PTPRM: variants seen among roughly 807,000 people sequenced by gnomAD.
PTPRM encodes the protein protein tyrosine phosphatase receptor type M.
In PTPRM, 47 loss-of-function variants were observed where a neutral mutation model predicts 186.7. The observed-to-expected ratio is 0.25, with a 90% confidence interval of 0.20 to 0.32. The LOEUF is 0.32. PTPRM is among the 10% of genes least tolerant of loss of function. The pLI, the probability that PTPRM is intolerant of heterozygous loss-of-function variation, is 1.00. For missense variants in PTPRM, 1,494 were observed against 1,865.0 expected, an observed-to-expected ratio of 0.80 and a Z score of 3.66; for synonymous variants, 668 against 674.9, an observed-to-expected ratio of 0.99 and a Z score of 0.16.
intron 2 of PTPRM, among the ~76,000 whole-genome samples, chr18:7,855,521 C>G (rs1426730110): frequency 1.3e-5 from 2 of 152,202 alleles, no homozygotes; most frequent in African/African-American, 4.8e-5. Flanking sequence ...TGCAAAGACT[C>G]AGAAACTGAC....
At chr18:8,198,058 G>A (rs778354609) in intron 14 of PTPRM, among the ~76,000 whole-genome samples, 4 of 152,290 alleles carry the variant, frequency 2.6e-5, no homozygotes, top group Non-Finnish European at 4.4e-5. Flanking sequence ...GGAATTTTTA[G>A]TAACTGGGTA....
At chr18:7,886,311 A>G (rs1176890353) in intron 2 of PTPRM, among the ~76,000 whole-genome samples, 1 of 152,242 alleles carries the variant, frequency 6.6e-6, no homozygotes, top group Non-Finnish European at 1.5e-5. Flanking sequence ...TTACATTTGT[A>G]AACAGTAACT....
intron 22 of PTPRM, among the ~76,000 whole-genome samples, chr18:8,338,405 G>T (rs1308395163): frequency 1.3e-5 from 2 of 150,068 alleles, no homozygotes; most frequent in Non-Finnish European, 3.0e-5. Flanking sequence ...GGTGGTTTCA[G>T]TGTGGTTAAT....
At position 8,069,873 on chromosome 18, in the gene PTPRM, A is replaced by T. The variant is rs2089352064; in HGVS notation, c.1320A>T (p.Ser440=). The T allele has an allele frequency of 6.2e-7, 1 of 1,613,664 alleles. No individual in the cohort carries two copies. Among genetic ancestry groups the T allele is most frequent in the Non-Finnish European group, 8.5e-7 (1 of 1,179,768 alleles). The change falls in exon 8 of 33, where the codon TCA becomes TCT. Residue 440 remains serine, a synonymous_variant. Coordinates refer to ENST00000580170, the MANE Select transcript of PTPRM (RefSeq NM_001105244.2). ...REEVSWDTEN[S]HPQHTITNLS... Reference sequence around the variant, plus strand: ...AAGTAAGCTGGGATACAGAAAACTCACACCCTCAACACACGATCACTAACC... The same window carrying T: ...AAGTAAGCTGGGATACAGAAAACTCTCACCCTCAACACACGATCACTAACC...
intron 9 of PTPRM, among the ~76,000 whole-genome samples, chr18:8,080,391 T>C (rs972443180): frequency 1.3e-5 from 2 of 152,168 alleles, no homozygotes; most frequent in African/African-American, 4.8e-5. Context: ...GTCTGAGATA[T>C]TGGAAAAAGA....
At chr18:8,034,146 G>GTT (rs888381452) in intron 7 of PTPRM, among the ~76,000 whole-genome samples, 1 of 146,646 alleles carries the variant, frequency 6.8e-6, no homozygotes. Context: ...CCTGTGTAAA[G>GTT]TTTTTTTTTT....
At chr18:8,115,232 T>G (rs888186999) in intron 13 of PTPRM, among the ~76,000 whole-genome samples, 1 of 152,198 alleles carries the variant, frequency 6.6e-6, no homozygotes, top group Admixed American at 6.5e-5. Context: ...AGTAGTTCTC[T>G]AGTTATAATA....
chr18:7,719,419 C>T (rs2040405959), intron 1 of PTPRM, among the ~76,000 whole-genome samples: 1 of 152,038 alleles, frequency 6.6e-6, no homozygotes, highest in South Asian at 2.1e-4. Flanking sequence ...TAAAAGATGA[C>T]ATATTGGGTA....
intron 14 of PTPRM, among the ~76,000 whole-genome samples, chr18:8,216,476 T>A (rs2094087943): frequency 6.6e-6 from 1 of 152,254 alleles, no homozygotes; most frequent in Non-Finnish European, 1.5e-5. Context: ...GCTCATCCTG[T>A]AAGGCGAAGA....
intron 1 of PTPRM, among the ~76,000 whole-genome samples, chr18:7,687,213 T>A (rs1221790425): frequency 6.6e-6 from 1 of 152,176 alleles, no homozygotes; most frequent in Non-Finnish European, 1.5e-5. Flanking sequence ...TCACTTTTGA[T>A]AGCACAGAAT....
At chr18:8,376,412 C>T (rs2095695172) in intron 25 of PTPRM, 50 bp from the exon 26 acceptor site, 1 of 1,611,432 alleles carries the variant, frequency 6.2e-7, no homozygotes, top group African/African-American at 1.3e-5. Context: ...AAAGCAGCAG[C>T]AGCAGTGTGG....
intron 31 of PTPRM, among the ~76,000 whole-genome samples, chr18:8,392,644 C>T (rs1043083309): frequency 1.2e-4 from 18 of 151,886 alleles, no homozygotes; most frequent in African/African-American, 4.1e-4. Flanking sequence ...AAAAAGGTCC[C>T]TTATCTCCTT....
chr18:7,909,394 T>C (rs544389936), intron 4 of PTPRM, among the ~76,000 whole-genome samples: 3 of 152,346 alleles, frequency 2.0e-5, no homozygotes, highest in South Asian at 4.1e-4. Flanking sequence ...ACCAAGGTGA[T>C]GTATGGTACA....
At chr18:8,397,490 G>A (rs2095850783) in intron 32 of PTPRM, among the ~76,000 whole-genome samples, 1 of 152,238 alleles carries the variant, frequency 6.6e-6, no homozygotes, top group South Asian at 2.1e-4. Context: ...GGATTGCCAG[G>A]AGGCAAAATA....
chr18:8,348,733 T>C (rs1034861510), intron 23 of PTPRM, among the ~76,000 whole-genome samples: 10 of 152,172 alleles, frequency 6.6e-5, no homozygotes, highest in African/African-American at 2.2e-4. Context: ...AAAGGAGACT[T>C]TTTACACCGG....
At chr18:7,745,409 G>A (rs1361567598) in intron 1 of PTPRM, among the ~76,000 whole-genome samples, 2 of 152,134 alleles carry the variant, frequency 1.3e-5, no homozygotes, top group East Asian at 1.9e-4. Context: ...CTGAACTTTG[G>A]TGTAACTTGA....
intron 14 of PTPRM, among the ~76,000 whole-genome samples, chr18:8,235,378 C>G (rs1045247785): frequency 6.7e-6 from 1 of 149,222 alleles, no homozygotes; most frequent in African/African-American, 2.5e-5. Flanking sequence ...TCGTAATATT[C>G]TTTATTATCC....
intron 7 of PTPRM, among the ~76,000 whole-genome samples, chr18:7,977,698 C>T (rs1458526797): frequency 6.6e-6 from 1 of 152,148 alleles, no homozygotes; most frequent in Non-Finnish European, 1.5e-5. Flanking sequence ...AACTTGGATT[C>T]CTCTGTATTC....
intron 14 of PTPRM, among the ~76,000 whole-genome samples, chr18:8,199,082 C>T (rs2093818344): frequency 6.6e-6 from 1 of 152,020 alleles, no homozygotes; most frequent in Non-Finnish European, 1.5e-5. Flanking sequence ...TCTCTCGCCC[C>T]CATCTGCATG....
Sources: allele counts gnomAD v4.1 joint callset (sites outside exome capture counted in the v4.1 genomes callset), GRCh38; gene constraint gnomAD v4.1.1; transcripts MANE v1.5; gene names NCBI Gene and HGNC (gene_info 2026-07-23, HGNC 2026-07-21).